STAG1: variants seen among roughly 807,000 people sequenced by gnomAD.
The protein encoded by STAG1 is STAG1 cohesin complex component, also known as cohesin subunit SA-1.
A neutral mutation model predicts 170.9 loss-of-function variants in STAG1; 26 were observed. The ratio of observed to expected loss-of-function variants is 0.15; its 90% CI spans 0.11 to 0.21. The LOEUF (loss-of-function observed/expected upper bound fraction) is 0.21, where lower values mean the gene tolerates loss of function less well. Among genes scored for constraint, STAG1 ranks in the 10% least tolerant of loss-of-function variants. The pLI, the probability that STAG1 is intolerant of heterozygous loss-of-function variation, is 1.00. For missense variants in STAG1, 964 were observed against 1,509.5 expected (o/e 0.64, Z 5.99); for synonymous variants, 514 against 497.7 (o/e 1.03, Z -0.44).
chr3:136,388,517 C>T (rs1452245092), intron 22 of STAG1, among the ~76,000 whole-genome samples: 2 of 152,092 alleles, frequency 1.3e-5, no homozygotes, highest in Non-Finnish European at 2.9e-5. Flanking sequence ...TACAGGCACA[C>T]ACCACCACGC....
chr3:136,516,675 A>G (rs77539526), intron 7 of STAG1, among the ~76,000 whole-genome samples: 1,744 of 152,298 alleles, frequency 0.011, 31 homozygotes, highest in East Asian at 0.049. Context: ...TCTGAGTAAA[A>G]CCATAAAGGA....
At chr3:136,415,753 C>T (rs148248743) in intron 21 of STAG1, among the ~76,000 whole-genome samples, 310 of 152,218 alleles carry the variant, frequency 2.0e-3, no homozygotes, top group Non-Finnish European at 3.3e-3. Context: ...ACCCAGGAAG[C>T]GGAGGTCACA....
At chr3:136,545,822 A>T (rs1936132909) in intron 5 of STAG1, among the ~76,000 whole-genome samples, 1 of 152,164 alleles carries the variant, frequency 6.6e-6, no homozygotes, top group Admixed American at 6.5e-5. Flanking sequence ...TCCAATGATG[A>T]GTCTGTCTCT....
chr3:136,451,927 T>G (rs1283948275), intron 14 of STAG1, 106 bp downstream of exon 14: 1 of 730,204 alleles, frequency 1.4e-6, no homozygotes, highest in African/African-American at 1.8e-5. Flanking sequence ...GGTAACTTTA[T>G]AAGAAACAGA....
intron 1 of STAG1, among the ~76,000 whole-genome samples, chr3:136,655,128 G>C (rs1941333564): frequency 6.6e-6 from 1 of 152,098 alleles, no homozygotes; most frequent in Non-Finnish European, 1.5e-5. Context: ...AAGAAAAACA[G>C]GCAAACTGGA....
intron 5 of STAG1, among the ~76,000 whole-genome samples, chr3:136,565,021 G>GGCAGGCAGGCAGGCAGGCAC (rs1559881963): frequency 1.4e-4 from 13 of 95,738 alleles, no homozygotes; most frequent in African/African-American, 8.0e-4. Flanking sequence ...AAGGCAGGCA[G>GGCAGGCAGGCAGGCAGGCAC]GCAGGCAGGC....
At position 136,472,447 on chromosome 3, in the gene STAG1, C is replaced by T; in HGVS notation, c.1171G>A (p.Val391Met). ...AGAGTAACCAATCGAATAGCTTCCA[C>T]AGCAACATCATATTCTTTATCAAGT... ...MTLDKEYDVA[V>M]EAIRLVTLIL... is the part of the protein sequence containing the mutation. Residue 391 changes from valine (V) to methionine (M), a missense_variant, in exon 12 of 34, where the codon GTG (valine) becomes ATG (methionine). Transcript: ENST00000383202. 6.2e-7 allele frequency: 1 copy of T among 1,612,840 alleles called. No individual in the cohort carries two copies. Among genetic ancestry groups the T allele is most frequent in the Non-Finnish European group, 8.5e-7 (1 of 1,179,364 alleles).
At chr3:136,340,347 C>G (rs1935918351) in intron 32 of STAG1, 144 bp downstream of exon 32, 1 of 559,132 alleles carries the variant, frequency 1.8e-6, no homozygotes, top group African/African-American at 1.9e-5. Flanking sequence ...GTTTCGAACT[C>G]CCGACCTCAG....
intron 15 of STAG1, among the ~76,000 whole-genome samples, chr3:136,439,306 G>A (rs182232579): frequency 4.0e-4 from 60 of 151,372 alleles, no homozygotes; most frequent in African/African-American, 1.2e-3. Flanking sequence ...GTTACCTGGT[G>A]GCAGAGCTGT....
At chr3:136,494,919 C>T (rs1933000243) in intron 9 of STAG1, among the ~76,000 whole-genome samples, 1 of 152,156 alleles carries the variant, frequency 6.6e-6, no homozygotes, top group South Asian at 2.1e-4. Flanking sequence ...AAGGTAATTA[C>T]AATCCCTATG....
chr3:136,446,035 C>A (rs1296021361), intron 14 of STAG1, among the ~76,000 whole-genome samples: 1 of 152,020 alleles, frequency 6.6e-6, no homozygotes, highest in East Asian at 1.9e-4. Flanking sequence ...ATTTTCTGTG[C>A]TCTATTTGTG....
chr3:136,669,119 C>T (rs34572383), intron 1 of STAG1, among the ~76,000 whole-genome samples: 1,765 of 152,218 alleles, frequency 0.012, 22 homozygotes, highest in African/African-American at 0.041. Flanking sequence ...TCTGTTTGAA[C>T]AAAAAGTTGC....
chr3:136,648,645 A>C (rs1393765560), intron 1 of STAG1, among the ~76,000 whole-genome samples: 1 of 152,230 alleles, frequency 6.6e-6, no homozygotes, highest in Non-Finnish European at 1.5e-5. Flanking sequence ...GCAGTCATCC[A>C]AGCTAGAAAA....
At chr3:136,703,512 G>A (rs1943137773) in intron 1 of STAG1, among the ~76,000 whole-genome samples, 1 of 152,180 alleles carries the variant, frequency 6.6e-6, no homozygotes, top group Admixed American at 6.5e-5. Context: ...GATTTATTGA[G>A]CGGCATTGCT....
rs147830943 is a variant in STAG1, at chr3:136,744,392, T to G, written c.-84+7803A>C. On this transcript the variant is annotated intron_variant, in intron 1 of 33. Transcript: ENST00000383202. ...AAGACAGGAGTACAACTGCTGGGGT[T>G]AAAATACATGAAGCTTGAATTTACT... 6.4e-4 allele frequency among the ~76,000 whole-genome samples: 97 copies of G among 152,318 alleles called. 1 individual carries two copies. Among genetic ancestry groups the G allele is most frequent in the Non-Finnish European group, 8.8e-5 (6 of 68,024 alleles).
Position 136,492,986 on chromosome 3 carries a change from G to C in STAG1, c.902+7237C>G, listed in dbSNP as rs116183593. Among the ~76,000 whole-genome samples the C allele has an allele frequency of 4.5e-3, 685 of 152,250 alleles. 7 individuals carry two copies. Among genetic ancestry groups the C allele is most frequent in the African/African-American group, 0.016 (668 of 41,528 alleles). ...AGAGCAGTGCTTTGTGGAAAATTTA[G>C]AGCTTATAAGGGGAGTTGAGAAAGG... On this transcript the variant is annotated intron_variant, in intron 9 of 33. Transcript: ENST00000383202.
intron 21 of STAG1, among the ~76,000 whole-genome samples, chr3:136,410,768 G>A (rs955329552): frequency 2.6e-5 from 4 of 152,122 alleles, no homozygotes; most frequent in Non-Finnish European, 5.9e-5. Flanking sequence ...GAGGTCAGGA[G>A]CTTGAGACCA....
chr3:136,711,066 T>A (rs566662702), intron 1 of STAG1, among the ~76,000 whole-genome samples: 103 of 151,198 alleles, frequency 6.8e-4, no homozygotes, highest in Admixed American at 2.3e-3. Flanking sequence ...GAAAAATATA[T>A]ATATATATAT....
At chr3:136,471,792 A>G (rs545742467) in intron 12 of STAG1, among the ~76,000 whole-genome samples, 33 of 152,256 alleles carry the variant, frequency 2.2e-4, no homozygotes, top group Admixed American at 9.2e-4. Context: ...TATTTGGGAA[A>G]CTGTCCCTTT....
Sources: allele counts gnomAD v4.1 joint callset (sites outside exome capture counted in the v4.1 genomes callset), GRCh38; gene constraint gnomAD v4.1.1; transcripts MANE v1.5; gene names NCBI Gene and HGNC (gene_info 2026-07-23, HGNC 2026-07-21).